The following EIF4G3 variants were observed in gnomAD, a reference collection of about 807,000 sequenced individuals.
EIF4G3 encodes the protein eIF-4-gamma 3.
EIF4G3 carries 34 observed loss-of-function variants against 186.4 expected under a neutral mutation model. That is an observed-to-expected ratio of 0.18 (90% confidence interval 0.14 to 0.24). The LOEUF (loss-of-function observed/expected upper bound fraction) is 0.24, where lower values mean the gene tolerates loss of function less well. Ranked by LOEUF, EIF4G3 falls within the 10% of genes least tolerant of loss-of-function variation. The pLI is 1.00. For synonymous variants in EIF4G3, 673 were observed against 679.5 expected, an observed-to-expected ratio of 0.99 and a Z score of 0.15; for missense variants, 1,536 against 1,948.5, an observed-to-expected ratio of 0.79 and a Z score of 3.99.
chr1:21,003,493 T>C (rs2084164581), intron 4 of EIF4G3: 1 of 186,220 alleles, frequency 5.4e-6, no homozygotes, highest in Non-Finnish European at 1.1e-5. Flanking sequence ...GTAACCATTT[T>C]TCCTTTTTTG....
chr1:20,899,629 A>G, intron 16 of EIF4G3, 68 bp downstream of exon 16: 1 of 1,553,194 alleles, frequency 6.4e-7, no homozygotes, highest in Non-Finnish European at 8.8e-7. Context: ...CTCTAAAAAG[A>G]GGCAACATTT....
chr1:20,861,563 C>T (rs572826974), intron 23 of EIF4G3, among the ~76,000 whole-genome samples: 2 of 152,164 alleles, frequency 1.3e-5, no homozygotes, highest in African/African-American at 4.8e-5. Flanking sequence ...AAATGTAAGG[C>T]TCAGAGAGTT....
Position 20,899,824 on chromosome 1 carries a change from T to C in EIF4G3, c.1872A>G (p.Glu624=). The C allele has an allele frequency of 6.2e-7, 1 of 1,614,150 alleles. No individual in the cohort carries two copies. Among genetic ancestry groups the C allele is most frequent in the Non-Finnish European group, 8.5e-7 (1 of 1,180,004 alleles). The change falls in exon 16 of 37, where the codon GAA becomes GAG. Residue 624 remains glutamate, a synonymous_variant. Coordinates refer to ENST00000602326, the MANE Select transcript of EIF4G3 (RefSeq NM_001391906.1). ...CTGGCTCAGCTTCTTCTCCATTTTC[T>C]TCCACAGCTTTCACTTTTTTTAGGT... ...PSDLKKVKAV[E]ENGEEAEPVR... is the part of the protein sequence containing the mutation.
At chr1:20,953,233 C>G (rs1234887193) in intron 12 of EIF4G3, among the ~76,000 whole-genome samples, 1 of 152,148 alleles carries the variant, frequency 6.6e-6, no homozygotes, top group Non-Finnish European at 1.5e-5. Context: ...AGTCTTCGCA[C>G]ACTGTTGCAA....
intron 29 of EIF4G3, among the ~76,000 whole-genome samples, chr1:20,845,262 A>AT (rs756288867): frequency 7.9e-5 from 12 of 152,300 alleles, no homozygotes; most frequent in Non-Finnish European, 1.2e-4. Flanking sequence ...AGATAAGATA[A>AT]TTGTAGGTGT....
At chr1:20,817,288 AAAAATAAAAATTCATGAAGTG>A in intron 34 of EIF4G3, 83 bp downstream of exon 34, 28 of 404,816 alleles carry the variant, frequency 6.9e-5, no homozygotes, top group South Asian at 1.2e-4. Flanking sequence ...AAAAAAAAAT[AAAAATAAAAATTCATGAAGTG>A]AACTGATAGG....
chr1:20,950,372 C>A (rs2096155284), intron 12 of EIF4G3, among the ~76,000 whole-genome samples: 1 of 152,144 alleles, frequency 6.6e-6, no homozygotes, highest in Non-Finnish European at 1.5e-5. Context: ...GACAGCACAA[C>A]AATCATTAGC....
At chr1:20,962,506 G>C (rs2073551685) in intron 12 of EIF4G3, among the ~76,000 whole-genome samples, 1 of 152,094 alleles carries the variant, frequency 6.6e-6, no homozygotes, top group Non-Finnish European at 1.5e-5. Flanking sequence ...ATCTATGGTA[G>C]ATATCAAGCA....
chr1:21,115,677 C>T (rs1300036488), intron 2 of EIF4G3, among the ~76,000 whole-genome samples: 3 of 152,060 alleles, frequency 2.0e-5, no homozygotes, highest in African/African-American at 4.8e-5. Context: ...TCTCTGTATA[C>T]AGTTAAATGA....
chr1:21,129,935 G>T (rs776909844), intron 2 of EIF4G3, among the ~76,000 whole-genome samples: 2 of 152,104 alleles, frequency 1.3e-5, no homozygotes, highest in Non-Finnish European at 2.9e-5. Flanking sequence ...AGATACACCA[G>T]GTCCGCATAA....
intron 14 of EIF4G3, among the ~76,000 whole-genome samples, chr1:20,931,683 T>C (rs913043911): frequency 1.3e-5 from 2 of 152,146 alleles, no homozygotes; most frequent in South Asian, 4.2e-4. Flanking sequence ...TCCCAGCATT[T>C]TGGGAGGCCA....
chr1:21,013,940 TG>T (rs2154570151), intron 4 of EIF4G3, among the ~76,000 whole-genome samples: 1 of 152,200 alleles, frequency 6.6e-6, no homozygotes, highest in South Asian at 2.1e-4. Flanking sequence ...GAGGCTGAGG[TG>T]GGTGGATCAC....
intron 3 of EIF4G3, among the ~76,000 whole-genome samples, chr1:21,074,925 T>C (rs1250678859): frequency 6.6e-6 from 1 of 152,024 alleles, no homozygotes; most frequent in Non-Finnish European, 1.5e-5. Context: ...AAGTAAAGTA[T>C]TCGCCGGGGT....
In EIF4G3 at chr1:20,818,837, A is replaced by G. The variant is rs924012879; in HGVS notation, c.4369-1299T>C. ...GGTATGGTCCTATACCCTATCCCCA[A>G]TCCACAAAGTGAAAACCACAGTCTT... On this transcript the variant is annotated intron_variant, in intron 33 of 36. Transcript: ENST00000602326. Among the ~76,000 whole-genome samples, 5 of 152,222 alleles carry G rather than the reference A, an allele frequency of 3.3e-5. No homozygotes were observed. In the South Asian group the frequency reaches 6.2e-4, roughly 19 times the overall value.
chr1:20,870,712 G>T (rs986285265), intron 20 of EIF4G3, among the ~76,000 whole-genome samples: 1 of 152,154 alleles, frequency 6.6e-6, no homozygotes, highest in African/African-American at 2.4e-5. Context: ...CATTTCTCTT[G>T]TCCACTCTTC....
At chr1:20,832,168 C>T (rs1355329242) in intron 30 of EIF4G3, among the ~76,000 whole-genome samples, 2 of 145,156 alleles carry the variant, frequency 1.4e-5, no homozygotes, top group Non-Finnish European at 3.0e-5. Flanking sequence ...GTTCTAGATC[C>T]CTGAGGAATC....
In EIF4G3 at chr1:21,102,491, G is replaced by A. The variant is rs116971196; in HGVS notation, c.-271-13278C>T. 1.2e-4 allele frequency among the ~76,000 whole-genome samples: 19 copies of A among 152,160 alleles called. No homozygotes were observed. The East Asian group carries it at 3.3e-3, about 26-fold the overall frequency. On this transcript the variant is annotated intron_variant, in intron 2 of 36. Coordinates refer to ENST00000602326, the MANE Select transcript of EIF4G3 (RefSeq NM_001391906.1). ...AACATTAATTAAATTCATCCATGAC[G>A]CACTTATGGTGCTATGTTAATAAAT...
chr1:21,120,457 G>A (rs993717774), intron 2 of EIF4G3, among the ~76,000 whole-genome samples: 1 of 151,614 alleles, frequency 6.6e-6, no homozygotes, highest in African/African-American at 2.4e-5. Context: ...GTGAAACCTC[G>A]TCTCTACTAA....
At position 20,886,353 on chromosome 1, in the gene EIF4G3, G is replaced by T. The variant is rs745389351; in HGVS notation, c.2272C>A (p.Arg758=). ...CTTCTTTGGCCAGGTTGAGATCTTC[G>T]TGACCCAACATTCAACAACTAGGAC... The part of the protein sequence containing the change: ...RGVPLLNVGS[R]RSQPGQRREP... The change falls in exon 19 of 37, where the codon CGA becomes AGA. Residue 758 remains arginine, a synonymous_variant. Coordinates refer to ENST00000602326, the MANE Select transcript of EIF4G3 (RefSeq NM_001391906.1). 1.2e-6 allele frequency: 2 copies of T among 1,613,190 alleles called. No individual in the cohort carries two copies. Among genetic ancestry groups the T allele is most frequent in the South Asian group, 2.2e-5 (2 of 90,808 alleles).
Sources: gnomAD v4.1 joint callset for allele counts (sites outside exome capture counted in the v4.1 genomes callset) on GRCh38, gnomAD v4.1.1 for gene constraint, MANE v1.5 for transcripts, NCBI Gene and HGNC (gene_info 2026-07-23, HGNC 2026-07-21) for gene names.